The following NIPAL3 variants were observed in gnomAD, a reference collection of about 807,000 sequenced individuals.
The protein encoded by NIPAL3 is NIPA-like protein 3.
A neutral mutation model predicts 47.2 loss-of-function variants in NIPAL3; 41 were observed. That is an observed-to-expected ratio of 0.87 (90% confidence interval 0.68 to 1.13). The LOEUF is 1.13. NIPAL3 is among the 50% of genes most tolerant of loss of function. The pLI, the probability that NIPAL3 is intolerant of heterozygous loss-of-function variation, is 0.00. For missense variants in NIPAL3, 449 were observed against 530.1 expected, an observed-to-expected ratio of 0.85 and a Z score of 1.50; for synonymous variants, 194 against 209.6, an observed-to-expected ratio of 0.93 and a Z score of 0.64.
chr1:24,456,113 A>G, intron 7 of NIPAL3, 25 bp from the exon 8 acceptor site: 1 of 1,613,784 alleles, frequency 6.2e-7, no homozygotes, highest in Non-Finnish European at 8.5e-7. Context: ...GAGGCTCCCC[A>G]TTCGCCCTTG....
At chr1:24,456,330 G>A in intron 8 of NIPAL3, 57 bp downstream of exon 8, 1 of 1,610,308 alleles carries the variant, frequency 6.2e-7, no homozygotes, top group South Asian at 1.1e-5. Context: ...TTCTCTTTTG[G>A]GGGCCTGATG....
In NIPAL3 at chr1:24,470,523, C is replaced by A. The variant is rs1405656237; in HGVS notation, c.*1338C>A. 1 of 152,136 alleles carries A rather than the reference C, an allele frequency of 6.6e-6. No individual in the cohort carries two copies. Among genetic ancestry groups the A allele is most frequent in the Admixed American group, 6.5e-5 (1 of 15,284 alleles). 9.4% of individuals were successfully genotyped at this position (152,136 alleles called of 1,614,324 possible). A position where few individuals can be genotyped will look rare whatever the true frequency, so the allele number is the denominator to read the frequency against. On this transcript the variant is annotated 3_prime_UTR_variant, in exon 12 of 12. Coordinates refer to ENST00000374399, the MANE Select transcript of NIPAL3 (RefSeq NM_020448.5). ...ATTTACAAAGATGTTCTGCTAAAAC[C>A]CCCAGGGCCCCATGCAGTCTTGCTA...
chr1:24,428,301 A>AGAGAGAGAGAGAGAGG (rs1644719061), intron 2 of NIPAL3, among the ~76,000 whole-genome samples: 1 of 146,880 alleles, frequency 6.8e-6, no homozygotes, highest in Non-Finnish European at 1.5e-5. Context: ...AGAGAGAGAG[A>AGAGAGAGAGAGAGAGG]GACACCAGAA....
Position 24,469,812 on chromosome 1 carries a change from C to T in NIPAL3, c.*627C>T, listed in dbSNP as rs145306390. ...GTTCAAATTGGATCTACTCTGAAAA[C>T]GAAACTTGGTTTTGGTCCTGTGAGG... is the stretch of plus-strand genomic sequence containing the variant. On this transcript the variant is annotated 3_prime_UTR_variant, in exon 12 of 12. Coordinates refer to ENST00000374399, the MANE Select transcript of NIPAL3 (RefSeq NM_020448.5). The T allele has an allele frequency of 6.6e-5, 10 of 152,388 alleles. No individual in the cohort carries two copies. Among genetic ancestry groups the T allele is most frequent in the East Asian group, 1.9e-4 (1 of 5,192 alleles). The allele number at this position is 152,388 out of a possible 1,614,324, so 9.4% of individuals were successfully genotyped here.
At chr1:24,460,631 C>A in intron 10 of NIPAL3, 87 bp downstream of exon 10, 2 of 1,106,916 alleles carry the variant, frequency 1.8e-6, no homozygotes, top group South Asian at 1.8e-5. Flanking sequence ...TTGCTACAGC[C>A]GCCCCATCCT....
At chr1:24,414,483 C>T (rs1310191746), upstream of NIPAL3, 1 of 150,092 alleles carries the variant, frequency 6.7e-6, no homozygotes, top group Non-Finnish European at 1.5e-5. Context: ...CACTCCCCTG[C>T]TTAAAGTCCT....
intron 2 of NIPAL3, among the ~76,000 whole-genome samples, chr1:24,438,122 T>C (rs1055860323): frequency 3.9e-5 from 6 of 152,162 alleles, no homozygotes; most frequent in African/African-American, 1.4e-4. Flanking sequence ...CCCATTAGCA[T>C]CTCTGGGAAC....
intron 3 of NIPAL3, 99 bp from the exon 4 acceptor site, chr1:24,441,956 C>A: frequency 7.7e-7 from 1 of 1,292,756 alleles, no homozygotes; most frequent in Non-Finnish European, 1.1e-6. Flanking sequence ...CAAGTCTTCC[C>A]AATTTATTTG....
At position 24,436,224 on chromosome 1, in the gene NIPAL3, T is replaced by C. The variant is rs1645099591; in HGVS notation, c.94-3948T>C. ...TGTTTAGAATAGTGAGGTTATTGTC[T>C]AAAAGTGTTTTTCTTGCCAAGCTTC... On this transcript the variant is annotated intron_variant, in intron 2 of 11. Coordinates refer to ENST00000374399, the MANE Select transcript of NIPAL3 (RefSeq NM_020448.5). Among the ~76,000 whole-genome samples the C allele has an allele frequency of 2.6e-5, 4 of 152,188 alleles. No individual in the cohort carries two copies. The South Asian group carries it at 8.3e-4, about 31-fold the overall frequency.
intron 2 of NIPAL3, among the ~76,000 whole-genome samples, chr1:24,421,476 C>T (rs914523407): frequency 2.0e-5 from 3 of 152,092 alleles, no homozygotes; most frequent in African/African-American, 4.8e-5. Flanking sequence ...AGGTGAGAAG[C>T]GACATTCTTA....
Position 24,458,905 on chromosome 1 carries a change from C to T in NIPAL3, c.791C>T (p.Ser264Leu). ...TGTTGAAGGTTTTTGAGTCAAGCCT[C>T]ACAGATGTACGACTCCTCTTTGATT... ...VYQAAFLSQA[S>L]QMYDSSLIAS... Residue 264 changes from serine (S) to leucine (L), a missense_variant, in exon 9 of 12, where the codon TCA becomes TTA. Transcript: ENST00000374399. 6.2e-7 allele frequency: 1 copy of T among 1,614,076 alleles called. No individual in the cohort carries two copies.
chr1:24,414,272 C>G (rs1342524668), upstream of NIPAL3: 1 of 152,102 alleles, frequency 6.6e-6, no homozygotes, highest in Non-Finnish European at 1.5e-5. Context: ...TCTCGAACTC[C>G]TGACCTCAGG....
rs1273222800 is a variant in NIPAL3, at chr1:24,451,222, G to C, written c.540+1596G>C. 6.6e-6 allele frequency among the ~76,000 whole-genome samples: 1 copy of C among 152,228 alleles called. No individual in the cohort carries two copies. Among genetic ancestry groups the C allele is most frequent in the Admixed American group, 6.5e-5 (1 of 15,288 alleles). ...CTGGGAGGCAGTGCTGCCAGCTGGA[G>C]AGATTTGGCCAAACCAAATTCAGTC... On this transcript the variant is annotated intron_variant, in intron 6 of 11. Transcript: ENST00000374399. The surrounding 1 kb of genome is among the most constrained non-coding windows in gnomAD (Gnocchi z 4.5).
chr1:24,439,369 T>G (rs939443713), intron 2 of NIPAL3, among the ~76,000 whole-genome samples: 5 of 152,188 alleles, frequency 3.3e-5, no homozygotes, highest in African/African-American at 1.2e-4. Context: ...AAAAACAGAT[T>G]ATAAAACAGA....
At position 24,471,948 on chromosome 1, in the gene NIPAL3, G is replaced by A. The variant is rs984963264; in HGVS notation, c.*2763G>A. 6.6e-6 allele frequency: 1 copy of A among 152,004 alleles called. No homozygotes were observed. The highest frequency in any genetic ancestry group is 2.4e-5 in the African/African-American group (1 of 41,362). 9.4% of individuals were successfully genotyped at this position (152,004 alleles called of 1,614,324 possible). ...GGCTATTTAGATGTGTCAAACCCGG[G>A]TGATCATTAATAATTTGGGCATATA... is the stretch of plus-strand genomic sequence containing the variant. On this transcript the variant is annotated 3_prime_UTR_variant, in exon 12 of 12. Coordinates refer to ENST00000374399, the MANE Select transcript of NIPAL3 (RefSeq NM_020448.5).
At chr1:24,423,074 A>G (rs563638001) in intron 2 of NIPAL3, among the ~76,000 whole-genome samples, 38 of 152,352 alleles carry the variant, frequency 2.5e-4, no homozygotes, top group Admixed American at 1.1e-3. Flanking sequence ...TTCAAGTCAG[A>G]AAACACATTG....
At chr1:24,435,761 TG>T (rs1456780656) in intron 2 of NIPAL3, among the ~76,000 whole-genome samples, 1 of 152,204 alleles carries the variant, frequency 6.6e-6, no homozygotes, top group African/African-American at 2.4e-5. Context: ...GAGGACACCT[TG>T]CCACTGGCTC....
At position 24,469,681 on chromosome 1, in the gene NIPAL3, G is replaced by A. The variant is rs1040972365; in HGVS notation, c.*496G>A. The A allele has an allele frequency of 1.1e-3, 166 of 155,160 alleles. 3 individuals are homozygous for A. The highest frequency in any genetic ancestry group is 2.6e-4 in the Non-Finnish European group (18 of 69,916). The allele number at this position is 155,160 out of a possible 1,614,324, so 9.6% of individuals were successfully genotyped here. ...ATAGCACTCGTGTTGCCTTCACATG[G>A]CAGGCTGGGCCAACCCTGGGTGGAA... is the stretch of plus-strand genomic sequence containing the variant. On this transcript the variant is annotated 3_prime_UTR_variant, in exon 12 of 12. Coordinates refer to ENST00000374399, the MANE Select transcript of NIPAL3 (RefSeq NM_020448.5).
rs1645598900 is a variant in NIPAL3 at position 24,445,188 on chromosome 1, G to A, written c.338G>A (p.Ser113Asn). The A allele has an allele frequency of 6.2e-7, 1 of 1,610,038 alleles. No homozygotes were observed. The highest frequency in any genetic ancestry group is 8.5e-7 in the Non-Finnish European group (1 of 1,176,448). The change falls in exon 5 of 12, where the codon AGT becomes AAT. Residue 113 changes from serine (S) to asparagine (N), a missense_variant. Coordinates refer to ENST00000374399, the MANE Select transcript of NIPAL3 (RefSeq NM_020448.5). Reference protein sequence around the residue: ...VPLSAVSVIASAIIGIIFIKE... With the variant: ...VPLSAVSVIANAIIGIIFIKE... ...TTCTTTGTGCTTCATTTTTCAGCTA[G>A]TGCCATCATAGGAATCATATTCATC... is the stretch of plus-strand genomic sequence containing the variant.
Sources: gnomAD v4.1 joint callset for allele counts (sites outside exome capture counted in the v4.1 genomes callset) on GRCh38, gnomAD v4.1.1 for gene constraint, Gnocchi (gnomAD v3.1) non-coding constraint, MANE v1.5 for transcripts, NCBI Gene and HGNC (gene_info 2026-07-23, HGNC 2026-07-21) for gene names.